The following NRXN1 variants were observed in gnomAD, a reference collection of about 807,000 sequenced individuals.
The protein encoded by NRXN1 is neurexin 1, also known as neurexin-1.
In NRXN1, 39 loss-of-function variants were observed where a neutral mutation model predicts 150.9. The observed-to-expected ratio is 0.26, with a 90% CI of 0.20 to 0.34. The LOEUF (loss-of-function observed/expected upper bound fraction) is 0.34. NRXN1 is among the 10% of genes least tolerant of loss of function. The pLI is 1.00. For missense variants in NRXN1, 1,815 were observed against 1,949.9 expected, an observed-to-expected ratio of 0.93 and a Z score of 1.30; for synonymous variants, 924 against 757.0, an observed-to-expected ratio of 1.22 and a Z score of -3.62.
Position 49,973,615 on chromosome 2 carries a change from G to GCACA in NRXN1, c.4129-29828_4129-29825dup, listed in dbSNP as rs34492177. On this transcript the variant is annotated intron_variant, in intron 21 of 22. Transcript: ENST00000401669. ...AGTTAATACATATATACATACATATGCACACACACACACACACACACACAG... is the reference window on the plus strand; with the variant it reads ...AGTTAATACATATATACATACATATGCACACACACACACACACACACACACACAG... 5.5e-3 allele frequency among the ~76,000 whole-genome samples: 821 copies of GCACA among 148,040 alleles called. 7 individuals are homozygous for GCACA. The highest frequency in any genetic ancestry group is 0.018 in the African/African-American group (734 of 40,452).
chr2:50,538,795 G>C (rs542902632), intron 9 of NRXN1, among the ~76,000 whole-genome samples, 159 bp from the exon 10 acceptor site: 1 of 137,394 alleles, frequency 7.3e-6, no homozygotes, highest in South Asian at 2.3e-4. Flanking sequence ...GAGAAATTAA[G>C]ATATCTGTGG....
chr2:50,627,497 TTATC>T (rs1681360935), intron 5 of NRXN1, among the ~76,000 whole-genome samples: 1 of 151,446 alleles, frequency 6.6e-6, no homozygotes, highest in South Asian at 2.1e-4. Context: ...GGACTATTGG[TTATC>T]TATAAGAGAA....
intron 5 of NRXN1, among the ~76,000 whole-genome samples, chr2:50,893,461 T>C (rs1316109596): frequency 6.6e-6 from 1 of 152,142 alleles, no homozygotes; most frequent in Non-Finnish European, 1.5e-5. Context: ...CATTTTCCTG[T>C]AGGGTTTAAT....
At chr2:50,761,461 C>T (rs1021634433) in intron 5 of NRXN1, among the ~76,000 whole-genome samples, 4 of 151,878 alleles carry the variant, frequency 2.6e-5, no homozygotes, top group South Asian at 2.1e-4. Flanking sequence ...ATGTAAGATG[C>T]GCCTTTGCTC....
chr2:50,930,204 C>T (rs1381065456), intron 2 of NRXN1, among the ~76,000 whole-genome samples: 7 of 152,048 alleles, frequency 4.6e-5, no homozygotes, highest in Admixed American at 4.6e-4. Context: ...AGTTTTTCTC[C>T]TTCTTCACTG....
At chr2:50,188,322 G>A (rs933487984) in intron 18 of NRXN1, among the ~76,000 whole-genome samples, 3 of 152,284 alleles carry the variant, frequency 2.0e-5, no homozygotes, top group East Asian at 1.9e-4. Context: ...CTAGCCATAT[G>A]CAGAAAACTG....
At chr2:50,509,069 T>G (rs1014428) in intron 12 of NRXN1, among the ~76,000 whole-genome samples, 27,685 of 152,054 alleles carry the variant, frequency 0.18, 3,563 homozygotes, top group East Asian at 0.39. Context: ...ACCTTTACAT[T>G]ATTAATCTGC....
intron 1 of NRXN1, among the ~76,000 whole-genome samples, chr2:51,031,549 C>T (rs1016733757): frequency 4.6e-5 from 7 of 152,034 alleles, no homozygotes; most frequent in Admixed American, 1.3e-4. Flanking sequence ...CAATGCACAG[C>T]CAAAATTCTC....
At chr2:50,982,786 A>T (rs574707442) in intron 2 of NRXN1, among the ~76,000 whole-genome samples, 2 of 152,066 alleles carry the variant, frequency 1.3e-5, no homozygotes, top group Non-Finnish European at 2.9e-5. Context: ...ATGTGCACCT[A>T]ATACTAATTT....
At chr2:50,056,685 T>A (rs1693680720) in intron 19 of NRXN1, among the ~76,000 whole-genome samples, 1 of 152,166 alleles carries the variant, frequency 6.6e-6, no homozygotes, top group South Asian at 2.1e-4. Flanking sequence ...TTTGGAATTT[T>A]TTTTTAATGT....
rs74970824 is a variant in NRXN1 at position 50,950,573 on chromosome 2, T to A, written c.773-24618A>T. On this transcript the variant is annotated intron_variant, in intron 2 of 22. Coordinates refer to ENST00000401669, the MANE Select transcript of NRXN1 (RefSeq NM_001330078.2). The stretch of plus-strand genomic sequence containing the variant: ...ACATTTTGTATCGGATAAGTCTTTC[T>A]TGGAAGGGACTATTCTGTGCATTTT... Among the ~76,000 whole-genome samples the A allele has an allele frequency of 7.8e-3, 1,183 of 152,280 alleles. 10 individuals are homozygous for A. The highest frequency in any genetic ancestry group is 0.011 in the Non-Finnish European group (779 of 67,996).
chr2:50,369,973 T>C (rs997480806), intron 17 of NRXN1, among the ~76,000 whole-genome samples: 5 of 152,036 alleles, frequency 3.3e-5, no homozygotes, highest in African/African-American at 9.7e-5. Context: ...TGGCCATGGC[T>C]AATCGCAAAG....
At chr2:50,236,604 G>A (rs550664469) in intron 18 of NRXN1, among the ~76,000 whole-genome samples, 185 bp downstream of exon 18, 1 of 148,514 alleles carries the variant, frequency 6.7e-6, no homozygotes, top group Non-Finnish European at 1.5e-5. Flanking sequence ...AGTTTGCATT[G>A]TAAAGAACGC....
chr2:50,229,371 T>G (rs2064723735), intron 18 of NRXN1, among the ~76,000 whole-genome samples: 2 of 152,032 alleles, frequency 1.3e-5, no homozygotes, highest in Admixed American at 1.3e-4. Context: ...CTGATCATTG[T>G]GCAAATGACC....
chr2:50,417,516 A>G (rs1484896771), intron 17 of NRXN1, among the ~76,000 whole-genome samples: 1 of 151,806 alleles, frequency 6.6e-6, no homozygotes, highest in African/African-American at 2.4e-5. Flanking sequence ...GGTCCTAGGT[A>G]TTCTGCTGTA....
intron 2 of NRXN1, among the ~76,000 whole-genome samples, chr2:50,943,834 G>T (rs1689883960): frequency 6.6e-6 from 1 of 152,150 alleles, no homozygotes; most frequent in Non-Finnish European, 1.5e-5. Context: ...AGACATGTTA[G>T]AAAACAGTAG....
intron 5 of NRXN1, among the ~76,000 whole-genome samples, chr2:50,875,864 A>G (rs1375474715): frequency 6.6e-6 from 1 of 151,864 alleles, no homozygotes; most frequent in Non-Finnish European, 1.5e-5. Flanking sequence ...TTGCACTGTC[A>G]GCCCAAATTT....
At chr2:50,928,451 C>T (rs1186260628) in intron 2 of NRXN1, among the ~76,000 whole-genome samples, 1 of 152,014 alleles carries the variant, frequency 6.6e-6, no homozygotes, top group Non-Finnish European at 1.5e-5. Context: ...AAAATCCCTA[C>T]ATTATTTCAG....
chr2:50,169,687 G>T, intron 18 of NRXN1, among the ~76,000 whole-genome samples: 1 of 146,436 alleles, frequency 6.8e-6, no homozygotes, highest in South Asian at 2.2e-4. Flanking sequence ...ACTCCAGGCT[G>T]GGCAACAGAG....
Sources: gnomAD v4.1 joint callset for allele counts (sites outside exome capture counted in the v4.1 genomes callset) on GRCh38, gnomAD v4.1.1 for gene constraint, MANE v1.5 for transcripts, NCBI Gene and HGNC (gene_info 2026-07-23, HGNC 2026-07-21) for gene names.